Variants in TPTE2 observed in about 807,000 individuals in gnomAD.
TPTE2 encodes the protein transmembrane phosphoinositide 3-phosphatase and tensin homolog 2, also known as phosphatidylinositol 3,4,5-trisphosphate 3-phosphatase TPTE2.
A neutral mutation model predicts 78.6 loss-of-function variants in TPTE2; 53 were observed. The observed-to-expected ratio is 0.67, with a 90% CI of 0.54 to 0.85. The LOEUF is 0.85. Among genes scored for constraint, TPTE2 ranks in the 40% least tolerant of loss-of-function variants. The probability of loss-of-function intolerance (pLI) is 0.00; values close to 1 mark genes in which losing one functional copy is unlikely to be tolerated. For synonymous variants in TPTE2, 175 were observed against 206.2 expected (o/e 0.85, Z 1.30); for missense variants, 461 against 623.0 (o/e 0.74, Z 2.77).
intron 13 of TPTE2, among the ~76,000 whole-genome samples, chr13:19,440,118 T>TA (rs890057871): frequency 6.6e-6 from 1 of 152,028 alleles, no homozygotes; most frequent in Admixed American, 6.6e-5. Flanking sequence ...TGAGATACTA[T>TA]AAAAAATGAG....
At chr13:19,504,538 C>T (rs1593405929), upstream of TPTE2, among the ~76,000 whole-genome samples, 1 of 152,194 alleles carries the variant, frequency 6.6e-6, no homozygotes, top group East Asian at 1.9e-4. Flanking sequence ...CACTGCTACT[C>T]GCTTGTTGCT....
chr13:19,439,973 C>T (rs374662610), intron 13 of TPTE2, among the ~76,000 whole-genome samples: 3 of 152,068 alleles, frequency 2.0e-5, no homozygotes, highest in South Asian at 2.1e-4. Flanking sequence ...ACCAAACCTA[C>T]GAATTACTGG....
At chr13:19,537,584 G>A (rs1295740518), upstream of TPTE2, among the ~76,000 whole-genome samples, 1 of 132,258 alleles carries the variant, frequency 7.6e-6, no homozygotes, top group African/African-American at 2.7e-5. Flanking sequence ...TTGTTTGTTT[G>A]GGACAGAAGT....
At chr13:19,481,657 C>T (rs780027864) in intron 4 of TPTE2, among the ~76,000 whole-genome samples, 1 of 152,192 alleles carries the variant, frequency 6.6e-6, no homozygotes, top group Non-Finnish European at 1.5e-5. Flanking sequence ...AATTTTGTTT[C>T]GGCCCTGGGC....
chr13:19,437,089 A>C (rs1223526155), intron 14 of TPTE2, among the ~76,000 whole-genome samples: 2 of 151,556 alleles, frequency 1.3e-5, no homozygotes, highest in South Asian at 4.2e-4. Context: ...AAACCTTTTG[A>C]TATTTTCTAT....
At chr13:19,447,035 T>C (rs895615072) in intron 13 of TPTE2, among the ~76,000 whole-genome samples, 9 of 152,164 alleles carry the variant, frequency 5.9e-5, no homozygotes, top group African/African-American at 2.2e-4. Context: ...ATTACAATAC[T>C]AAGAAAAATT....
chr13:19,465,532 A>G (rs534205757), exon 8 of TPTE2: 3 of 1,608,350 alleles, frequency 1.9e-6, no homozygotes, highest in East Asian at 4.5e-5. Flanking sequence ...TATCAGAATA[A>G]TAAGTCGTAG....
At chr13:19,500,152 T>G (rs1868395514) in intron 1 of TPTE2, among the ~76,000 whole-genome samples, 1 of 151,782 alleles carries the variant, frequency 6.6e-6, no homozygotes, top group Non-Finnish European at 1.5e-5. Flanking sequence ...ATTGTGGCAA[T>G]AATCAATAGT....
chr13:19,447,985 T>C (rs1352855835), intron 13 of TPTE2, among the ~76,000 whole-genome samples: 1 of 152,084 alleles, frequency 6.6e-6, no homozygotes, highest in Non-Finnish European at 1.5e-5. Flanking sequence ...AAAACAGACA[T>C]ATAGACCAAT....
At chr13:19,437,491 A>G (rs936305965) in intron 14 of TPTE2, among the ~76,000 whole-genome samples, 2 of 152,186 alleles carry the variant, frequency 1.3e-5, no homozygotes, top group African/African-American at 4.8e-5. Context: ...CATTCAGGAG[A>G]GGCTTTGTTT....
chr13:19,490,459 A>G (rs1236005960), intron 3 of TPTE2, among the ~76,000 whole-genome samples: 1 of 152,174 alleles, frequency 6.6e-6, no homozygotes, highest in African/African-American at 2.4e-5. Context: ...GATGTCTGTA[A>G]TGGAATTTTT....
the TPTE2 span, among the ~76,000 whole-genome samples, chr13:19,547,720 C>CATACATATATATATATTATATATATAT: frequency 3.3e-4 from 39 of 118,864 alleles, 1 homozygote; most frequent in Admixed American, 1.1e-3. Flanking sequence ...AATAAATATA[C>CATACATATATATATATTATATATATAT]ATATATATAT....
chr13:19,473,205 C>G (rs138303687), intron 6 of TPTE2, among the ~76,000 whole-genome samples: 1 of 152,192 alleles, frequency 6.6e-6, no homozygotes, highest in Admixed American at 6.5e-5. Flanking sequence ...GTAACCACTC[C>G]TTAGCTATTG....
intron 13 of TPTE2, among the ~76,000 whole-genome samples, chr13:19,445,227 A>C (rs2137516923): frequency 6.6e-6 from 1 of 152,336 alleles, no homozygotes; most frequent in Admixed American, 6.5e-5. Context: ...TGAAATCAGA[A>C]TACATAAAGA....
chr13:19,527,269 C>CA (rs1163056681), intron 1 of TPTE2, among the ~76,000 whole-genome samples: 1 of 152,070 alleles, frequency 6.6e-6, no homozygotes, highest in Non-Finnish European at 1.5e-5. Context: ...CTACAGTTAA[C>CA]AAAAATGTAT....
chr13:19,540,652 T>G (rs1871414303), upstream of TPTE2, among the ~76,000 whole-genome samples: 1 of 152,156 alleles, frequency 6.6e-6, no homozygotes. Context: ...CATTAAAGTT[T>G]TAAAACATCT....
intron 3 of TPTE2, among the ~76,000 whole-genome samples, chr13:19,488,159 A>G (rs1880768748): frequency 6.6e-6 from 1 of 152,204 alleles, no homozygotes; most frequent in Non-Finnish European, 1.5e-5. Context: ...ATCAAATCTT[A>G]GACGTGTATT....
At chr13:19,482,022 T>G (rs1390998454) in intron 4 of TPTE2, among the ~76,000 whole-genome samples, 1 of 152,018 alleles carries the variant, frequency 6.6e-6, no homozygotes, top group Non-Finnish European at 1.5e-5. Flanking sequence ...TCTAGTGAGA[T>G]TAGAAACAAA....
upstream of TPTE2, among the ~76,000 whole-genome samples, chr13:19,503,619 C>T (rs529140650): frequency 6.6e-6 from 1 of 152,294 alleles, no homozygotes; most frequent in African/African-American, 2.4e-5. Context: ...ACTAAATGTG[C>T]TGCCTTGAAA....
Sources: allele counts gnomAD v4.1 joint callset (sites outside exome capture counted in the v4.1 genomes callset), GRCh38; gene constraint gnomAD v4.1.1; transcripts MANE v1.5; gene names NCBI Gene and HGNC (gene_info 2026-07-23, HGNC 2026-07-21).